GLIS3: variants seen among roughly 807,000 people sequenced by gnomAD.
GLIS3 encodes the protein GLIS family zinc finger 3.
In GLIS3, 53 loss-of-function variants were observed where a neutral mutation model predicts 78.6. The ratio of observed to expected loss-of-function variants is 0.67; its 90% CI spans 0.54 to 0.85. The LOEUF (loss-of-function observed/expected upper bound fraction) is 0.85, where lower values mean the gene tolerates loss of function less well. GLIS3 is among the 40% of genes least tolerant of loss of function. GLIS3 has a pLI of 0.00. For missense variants in GLIS3, 1,703 were observed against 1,231.1 expected (o/e 1.38, Z -5.74); for synonymous variants, 684 against 509.9 (o/e 1.34, Z -4.60).
At chr9:4,384,145 T>C in the GLIS3 span, among the ~76,000 whole-genome samples, 1 of 152,194 alleles carries the variant, frequency 6.6e-6, no homozygotes, top group Non-Finnish European at 1.5e-5. Flanking sequence ...TGTACACAGA[T>C]CGTGCCAATG....
chr9:4,409,935 C>G, the GLIS3 span, among the ~76,000 whole-genome samples: 544 of 152,188 alleles, frequency 3.6e-3, 1 homozygote, highest in African/African-American at 0.013. Context: ...TACATAAACA[C>G]AGAAATAATG....
At chr9:4,248,723 T>C (rs995730341) in intron 2 of GLIS3, among the ~76,000 whole-genome samples, 1 of 152,234 alleles carries the variant, frequency 6.6e-6, no homozygotes, top group Non-Finnish European at 1.5e-5. Flanking sequence ...AAAGCATTCC[T>C]ATTTCTCCAC....
chr9:4,161,480 C>T (rs1835469830), intron 2 of GLIS3, among the ~76,000 whole-genome samples: 1 of 152,104 alleles, frequency 6.6e-6, no homozygotes, highest in Non-Finnish European at 1.5e-5. Context: ...TTCGTGGATG[C>T]ATTGGACTTT....
At chr9:4,080,230 C>T (rs1224334016) in intron 4 of GLIS3, among the ~76,000 whole-genome samples, 1 of 152,152 alleles carries the variant, frequency 6.6e-6, no homozygotes, top group Admixed American at 6.5e-5. Flanking sequence ...AGCATTCTTG[C>T]ATTCGTAAGC....
chr9:4,378,225 C>T, the GLIS3 span, among the ~76,000 whole-genome samples: 2 of 152,128 alleles, frequency 1.3e-5, no homozygotes, highest in South Asian at 4.2e-4. Flanking sequence ...TATAATTAAT[C>T]CTCAGTCTGG....
At chr9:4,414,305 G>C in the GLIS3 span, among the ~76,000 whole-genome samples, 1 of 152,194 alleles carries the variant, frequency 6.6e-6, no homozygotes, top group Admixed American at 6.5e-5. Flanking sequence ...GGCAAAACAT[G>C]TATGGCCCAG....
At chr9:4,006,304 CAAAAAAAAAAAA>C (rs71497513) in intron 4 of GLIS3, among the ~76,000 whole-genome samples, 14 of 32,550 alleles carry the variant, frequency 4.3e-4, no homozygotes, top group Admixed American at 3.8e-3. Context: ...TCATATGTCT[CAAAAAAAAAAAA>C]AAAAAAAAAA....
At chr9:3,848,781 T>G (rs994517347) in intron 9 of GLIS3, among the ~76,000 whole-genome samples, 4 of 152,238 alleles carry the variant, frequency 2.6e-5, no homozygotes, top group African/African-American at 9.6e-5. Flanking sequence ...TGTTTTGTTC[T>G]TGGAGTCCTG....
At chr9:3,875,796 G>T (rs903620204) in intron 8 of GLIS3, among the ~76,000 whole-genome samples, 8 of 152,120 alleles carry the variant, frequency 5.3e-5, no homozygotes, top group Admixed American at 1.3e-4. Context: ...TCCAGTAGGG[G>T]AGAATATAGC....
intron 2 of GLIS3, among the ~76,000 whole-genome samples, chr9:4,279,383 T>A (rs904542708): frequency 1.2e-4 from 18 of 145,202 alleles, no homozygotes; most frequent in African/African-American, 3.3e-4. Flanking sequence ...TTATATATAT[T>A]TTATATTATA....
chr9:3,952,768 T>C (rs1002133327), intron 4 of GLIS3, among the ~76,000 whole-genome samples: 1 of 152,104 alleles, frequency 6.6e-6, no homozygotes, highest in Non-Finnish European at 1.5e-5. Flanking sequence ...TGCACTTTAA[T>C]CTCCTTGGGA....
At chr9:4,365,427 G>C in the GLIS3 span, among the ~76,000 whole-genome samples, 21 of 151,876 alleles carry the variant, frequency 1.4e-4, 1 homozygote, top group Admixed American at 1.3e-3. Context: ...CATGGTGGCG[G>C]GTGCCTATAG....
At chr9:4,052,524 G>C (rs770865509) in intron 4 of GLIS3, among the ~76,000 whole-genome samples, 4 of 152,098 alleles carry the variant, frequency 2.6e-5, no homozygotes, top group African/African-American at 4.8e-5. Flanking sequence ...TCAACCACTA[G>C]TCGGATTTCT....
intron 4 of GLIS3, among the ~76,000 whole-genome samples, chr9:4,072,127 T>A (rs1429091142): frequency 6.6e-6 from 1 of 152,206 alleles, no homozygotes; most frequent in Non-Finnish European, 1.5e-5. Flanking sequence ...AATCAACCCT[T>A]TATCCTTTAC....
intron 2 of GLIS3, among the ~76,000 whole-genome samples, chr9:4,148,763 AT>A (rs1291539888): frequency 6.6e-6 from 1 of 152,122 alleles, no homozygotes; most frequent in Non-Finnish European, 1.5e-5. Flanking sequence ...GGATTGTATA[AT>A]TTAAAATAAG....
At chr9:4,309,160 TTTTGTGTATA>T (rs1357230030) in intron 3 of GLIS3, among the ~76,000 whole-genome samples, 1 of 152,232 alleles carries the variant, frequency 6.6e-6, no homozygotes, top group Non-Finnish European at 1.5e-5. Flanking sequence ...CTGTTCAACC[TTTTGTGTATA>T]TGCCCGTGCC....
At chr9:4,306,946 C>T (rs1419499715) in intron 4 of GLIS3, among the ~76,000 whole-genome samples, 2 of 152,178 alleles carry the variant, frequency 1.3e-5, no homozygotes, top group African/African-American at 4.8e-5. Context: ...CAGCAGATTG[C>T]GTAAGTCAGA....
chr9:4,079,686 T>C (rs1395021765), intron 4 of GLIS3, among the ~76,000 whole-genome samples: 8 of 151,996 alleles, frequency 5.3e-5, no homozygotes, highest in Non-Finnish European at 1.0e-4. Context: ...AAAATTCTAC[T>C]TTTAAATCCA....
At chr9:4,155,878 T>TCTGAGGGGGC (rs1835011275) in intron 2 of GLIS3, among the ~76,000 whole-genome samples, 1 of 152,176 alleles carries the variant, frequency 6.6e-6, no homozygotes, top group Admixed American at 6.5e-5. Flanking sequence ...CTCAGGCCCC[T>TCTGAGGGGGC]CTGCTGTGGG....
Sources: allele counts gnomAD v4.1 joint callset (sites outside exome capture counted in the v4.1 genomes callset), GRCh38; gene constraint gnomAD v4.1.1; transcripts MANE v1.5; gene names NCBI Gene and HGNC (gene_info 2026-07-23, HGNC 2026-07-21).